Variants in DLC1 observed in about 807,000 individuals in gnomAD.
DLC1 encodes rho GTPase-activating protein 7.
A neutral mutation model predicts 140.3 loss-of-function variants in DLC1; 54 were observed. The observed-to-expected ratio is 0.38, with a 90% CI of 0.31 to 0.48. DLC1 has a LOEUF of 0.48. Ranked by LOEUF, DLC1 falls within the 20% of genes least tolerant of loss-of-function variation. The pLI is 0.96. For missense variants in DLC1, 2,536 were observed against 1,907.0 expected, an observed-to-expected ratio of 1.33 and a Z score of -6.14; for synonymous variants, 986 against 728.1, an observed-to-expected ratio of 1.35 and a Z score of -5.70.
At chr8:13,193,314 A>T (rs553834045) in intron 5 of DLC1, among the ~76,000 whole-genome samples, 50 of 152,298 alleles carry the variant, frequency 3.3e-4, no homozygotes, top group Non-Finnish European at 5.7e-4. Flanking sequence ...TTATTATCAA[A>T]TGTTAGAAAA....
intron 5 of DLC1, among the ~76,000 whole-genome samples, chr8:13,185,652 G>A (rs567157903): frequency 1.9e-4 from 29 of 152,150 alleles, no homozygotes; most frequent in Admixed American, 7.2e-4. Context: ...TTACATTTAA[G>A]GTTAATATTG....
At chr8:13,347,234 C>A (rs1457374404) in intron 4 of DLC1, among the ~76,000 whole-genome samples, 1 of 152,150 alleles carries the variant, frequency 6.6e-6, no homozygotes, top group Non-Finnish European at 1.5e-5. Flanking sequence ...CAGAGAGAAA[C>A]AAGTATGTGG....
At chr8:13,230,559 A>AATCCAGAT in intron 5 of DLC1, among the ~76,000 whole-genome samples, 1 of 152,090 alleles carries the variant, frequency 6.6e-6, no homozygotes, top group Non-Finnish European at 1.5e-5. Flanking sequence ...AAGTGGCTTC[A>AATCCAGAT]ATCCAGATAG....
intron 5 of DLC1, among the ~76,000 whole-genome samples, chr8:13,190,740 C>G (rs1003922205): frequency 6.6e-6 from 1 of 151,872 alleles, no homozygotes; most frequent in Non-Finnish European, 1.5e-5. Flanking sequence ...GAGGGAGAGG[C>G]GTGGGCCCGA....
chr8:13,540,851 G>C (rs1803458056), intron 1 of DLC1, among the ~76,000 whole-genome samples: 1 of 152,174 alleles, frequency 6.6e-6, no homozygotes, highest in African/African-American at 2.4e-5. Flanking sequence ...AAGGACACCA[G>C]AACAGGAGTT....
intron 4 of DLC1, among the ~76,000 whole-genome samples, chr8:13,350,691 G>C (rs1346384838): frequency 6.6e-6 from 1 of 151,788 alleles, no homozygotes; most frequent in Non-Finnish European, 1.5e-5. Flanking sequence ...ACTCCAGCCT[G>C]GGCCATGGAG....
intron 1 of DLC1, among the ~76,000 whole-genome samples, chr8:13,504,786 C>T (rs567993893): frequency 4.6e-5 from 7 of 151,700 alleles, no homozygotes; most frequent in African/African-American, 1.5e-4. Context: ...TTTTTTTTAA[C>T]CTCTTCTCAA....
intron 5 of DLC1, among the ~76,000 whole-genome samples, chr8:13,184,500 C>G (rs1469593658): frequency 6.6e-6 from 1 of 152,152 alleles, no homozygotes; most frequent in Non-Finnish European, 1.5e-5. Context: ...TACATTGTGT[C>G]TTTGTTCTCA....
chr8:13,586,089 ACCAGGCCC>A, intron 1 of DLC1, among the ~76,000 whole-genome samples: 1 of 152,250 alleles, frequency 6.6e-6, no homozygotes, highest in African/African-American at 2.4e-5. Flanking sequence ...TATACTGATG[ACCAGGCCC>A]TACTCATGGG....
In DLC1 at chr8:13,427,503, T is replaced by A. The variant is rs865925220; in HGVS notation, c.1024-25884A>T. Among the ~76,000 whole-genome samples the A allele has an allele frequency of 7.2e-5, 11 of 152,322 alleles. No homozygotes were observed. In the Middle Eastern group the frequency reaches 0.01, roughly 141 times the overall value. ...TAACATAGATGAAGATTTAAAAGCATCCCTGGATCTGTTTCTGTCTCTGTT... is the reference window on the plus strand; with the variant it reads ...TAACATAGATGAAGATTTAAAAGCAACCCTGGATCTGTTTCTGTCTCTGTT... On this transcript the variant is annotated intron_variant, in intron 2 of 17. Transcript: ENST00000276297.
chr8:13,216,434 G>GAC (rs1828202240), intron 5 of DLC1, among the ~76,000 whole-genome samples: 1 of 151,922 alleles, frequency 6.6e-6, no homozygotes, highest in South Asian at 2.1e-4. Context: ...TTCCTTTCAT[G>GAC]ACACACTCTA....
chr8:13,499,144 C>A lies in DLC1; in HGVS notation c.928G>T (p.Val310Phe), dbSNP rs758662902. 5 of 1,614,046 alleles carry A rather than the reference C, an allele frequency of 3.1e-6. No homozygotes were observed. Among genetic ancestry groups the A allele is most frequent in the African/African-American group, 2.7e-5 (2 of 74,926 alleles). ...SQHQNKSPPK[V>F]KAEDGMQCLQ... ...CACTGCATGCCATCTTCTGCCTTGA[C>A]CTTTGGTGGACTTTTGTTTTGATGT... Residue 310 changes from valine to phenylalanine, a missense_variant, in exon 2 of 18, where the codon GTC becomes TTC. Physicochemically the swap from Val to Phe is conservative, Grantham distance 50. Transcript: ENST00000276297.
chr8:13,440,484 C>T (rs947053560), intron 2 of DLC1, among the ~76,000 whole-genome samples: 10 of 151,996 alleles, frequency 6.6e-5, no homozygotes, highest in African/African-American at 2.4e-4. Context: ...GAAAGAGTGA[C>T]ATTGCTTTTA....
intron 1 of DLC1, among the ~76,000 whole-genome samples, chr8:13,587,775 A>C (rs1481589): frequency 0.073 from 11,050 of 151,834 alleles, 629 homozygotes; most frequent in Admixed American, 0.18. Context: ...AACTAAAATA[A>C]TGTGCTAGTC....
At chr8:13,551,460 G>C (rs781592050) in intron 1 of DLC1, among the ~76,000 whole-genome samples, 11 of 151,732 alleles carry the variant, frequency 7.2e-5, no homozygotes, top group Non-Finnish European at 1.6e-4. Context: ...GTTGATCATG[G>C]GTGAAGGATT....
intron 4 of DLC1, among the ~76,000 whole-genome samples, chr8:13,384,920 T>TA (rs35846034): frequency 0.24 from 35,625 of 150,638 alleles, 4,946 homozygotes; most frequent in Non-Finnish European, 0.29. Context: ...AGGCTGGACA[T>TA]AAAAAAAAAA....
At chr8:13,344,900 T>C (rs1041026153) in intron 4 of DLC1, among the ~76,000 whole-genome samples, 1 of 152,228 alleles carries the variant, frequency 6.6e-6, no homozygotes, top group African/African-American at 2.4e-5. Context: ...ACTTTTAACC[T>C]AATAAGTTTA....
chr8:13,404,491 T>G (rs1202728862), intron 2 of DLC1, among the ~76,000 whole-genome samples: 6 of 152,104 alleles, frequency 3.9e-5, no homozygotes, highest in African/African-American at 1.4e-4. Context: ...AATAGAAACA[T>G]TGATAGTTAC....
intron 2 of DLC1, among the ~76,000 whole-genome samples, chr8:13,494,658 A>G (rs537364413): frequency 4.1e-4 from 63 of 152,084 alleles, no homozygotes; most frequent in Non-Finnish European, 7.6e-4. Flanking sequence ...CCTAATTAAT[A>G]CTGAGATATA....
Sources: allele counts gnomAD v4.1 joint callset (sites outside exome capture counted in the v4.1 genomes callset), GRCh38; gene constraint gnomAD v4.1.1; transcripts MANE v1.5; gene names NCBI Gene and HGNC (gene_info 2026-07-23, HGNC 2026-07-21).